CEP290: variants seen among roughly 807,000 people sequenced by gnomAD.
CEP290 encodes centrosomal protein of 290 kDa.
A neutral mutation model predicts 344.9 loss-of-function variants in CEP290; 317 were observed. The ratio of observed to expected loss-of-function variants is 0.92; its 90% CI spans 0.84 to 1.01. CEP290 has a LOEUF of 1.01. Ranked by LOEUF, CEP290 falls within the 50% of genes least tolerant of loss-of-function variation. CEP290 has a pLI of 0.00. For missense variants in CEP290, 2,754 were observed against 2,761.4 expected (o/e 1.00, Z 0.06); for synonymous variants, 932 against 895.8 (o/e 1.04, Z -0.72).
chr12:88,139,936 C>T (rs747297827), intron 3 of CEP290, among the ~76,000 whole-genome samples: 26 of 151,976 alleles, frequency 1.7e-4, no homozygotes, highest in Non-Finnish European at 3.2e-4. Context: ...CAAATTTTTT[C>T]GTACAGGCAA....
At position 88,093,825 on chromosome 12, in the gene CEP290, G is replaced by T. The variant is rs1325799398; in HGVS notation, c.3254C>A (p.Thr1085Asn). 1 of 1,612,444 alleles carries T rather than the reference G, an allele frequency of 6.2e-7. No individual in the cohort carries two copies. The highest frequency in any genetic ancestry group is 2.2e-5 in the East Asian group (1 of 44,842). Residue 1085 changes from threonine to asparagine, a missense_variant, in exon 28 of 54, where the codon ACT becomes AAT. Transcript: ENST00000552810. ...ACGTTCCTCCATTTGCTTTAACGAA[G>T]TCCGTAAGTGTTCATACATTTTTTG... ...HCQKMYEHLRTSLKQMEERNF... is the reference protein window; with the variant it reads ...HCQKMYEHLRNSLKQMEERNF...
At chr12:88,114,864 A>C (rs769265964) in intron 19 of CEP290, among the ~76,000 whole-genome samples, 1 of 152,164 alleles carries the variant, frequency 6.6e-6, no homozygotes, top group Non-Finnish European at 1.5e-5. Context: ...TGAAGAACAC[A>C]CAAGAAAAAG....
chr12:88,126,274 T>C (rs2039723390), intron 12 of CEP290, 42 bp downstream of exon 12: 3 of 1,411,984 alleles, frequency 2.1e-6, no homozygotes, highest in South Asian at 1.7e-5. Context: ...GTTCCAACTG[T>C]AATAAAACTG....
chr12:88,115,873 G>T (rs1245149247), intron 18 of CEP290: 1 of 983,028 alleles, frequency 1.0e-6, no homozygotes, highest in African/African-American at 1.7e-5. Context: ...GGGTCTGGAA[G>T]ATTAACCTTA....
rs748493455 is a variant in CEP290 at position 88,096,985 on chromosome 12, G to A, written c.3006C>T (p.Ser1002=). ...TTATAGACTCCACTTGTTCTTTTAA[G>A]GAGATGTTTTCACACTGAATAAAGG... ...NLEHLECENI[S]LKEQVESINK... is the part of the protein sequence containing the mutation. Residue 1002 remains serine (S), a synonymous_variant, in exon 27 of 54, where the codon TCC becomes TCT. Transcript: ENST00000552810. The A allele has an allele frequency of 1.9e-6, 3 of 1,545,006 alleles. No homozygotes were observed. Among genetic ancestry groups the A allele is most frequent in the South Asian group, 1.2e-5 (1 of 82,308 alleles).
chr12:88,077,253 T>A lies in CEP290; in HGVS notation c.5678A>T (p.Glu1893Val). ...KLENQLEGKV[E>V]EVDLKPMKEK... The stretch of plus-strand genomic sequence containing the variant: ...TTTCATAGGTTTTAGGTCTACTTCC[T>A]CCACCTTTCCCTCTAATTGGTTCTC... The change falls in exon 41 of 54, where the codon GAG (glutamate) becomes GTG (valine). Residue 1893 changes from glutamate to valine, a missense_variant. Physicochemically the swap from Glu to Val is moderately radical, Grantham distance 121 (BLOSUM62 -2). Transcript: ENST00000552810. 5.0e-6 allele frequency: 8 copies of A among 1,605,604 alleles called. No individual in the cohort carries two copies. The highest frequency in any genetic ancestry group is 6.8e-6 in the Non-Finnish European group (8 of 1,177,044).
In CEP290 at chr12:88,115,199, G is replaced by T. The variant is rs1271533024; in HGVS notation, c.1825-17C>A. 2 of 1,266,058 alleles carry T rather than the reference G, an allele frequency of 1.6e-6. No individual in the cohort carries two copies. The highest frequency in any genetic ancestry group is 2.2e-6 in the Non-Finnish European group (2 of 908,490). 78.4% of individuals were successfully genotyped at this position (1,266,058 alleles called of 1,614,324 possible). On this transcript the variant is annotated splice_polypyrimidine_tract_variant and intron_variant, in intron 18 of 53. Coordinates refer to ENST00000552810, the MANE Select transcript of CEP290 (RefSeq NM_025114.4). ...AAATTCATTCTGAAAAAAGCAGAGA[G>T]AATAAAATTGATTTTTTTCAACAAA... is the stretch of plus-strand genomic sequence containing the variant.
At chr12:88,109,804 A>G (rs1263515855) in intron 22 of CEP290, among the ~76,000 whole-genome samples, 3 of 152,176 alleles carry the variant, frequency 2.0e-5, no homozygotes, top group African/African-American at 7.2e-5. Context: ...CTAATCTACT[A>G]CAAACTTCTG....
In CEP290 at chr12:88,096,200, C is replaced by T. The variant is rs2037417592; in HGVS notation, c.3103+688G>A. Among the ~76,000 whole-genome samples, 3 of 152,224 alleles carry T rather than the reference C, an allele frequency of 2.0e-5. No homozygotes were observed. The South Asian group carries it at 6.2e-4, about 32-fold the overall frequency. On this transcript the variant is annotated intron_variant, in intron 27 of 53. Coordinates refer to ENST00000552810, the MANE Select transcript of CEP290 (RefSeq NM_025114.4). ...AGTAGATGGAATTACAGGCAACTGC[C>T]ACCACGCCTGGCTAATTTTTGTACT... is the stretch of plus-strand genomic sequence containing the variant.
rs376831402 is a variant in CEP290 at position 88,106,893 on chromosome 12, C to G, written c.2599G>C (p.Ala867Pro). Residue 867 changes from alanine (A) to proline (P), a missense_variant, in exon 25 of 54, where the codon GCT becomes CCT. Physicochemically the swap from Ala to Pro is conservative, Grantham distance 27. Coordinates refer to ENST00000552810, the MANE Select transcript of CEP290 (RefSeq NM_025114.4). ...KVKEYNNLLN[A>P]LQMDSDEMKK... ...ATTTCATCCGAATCCATCTGAAGAG[C>G]ATTGAGCAAATTCTGCACAAAGACA... 1.9e-6 allele frequency: 3 copies of G among 1,604,184 alleles called. No homozygotes were observed. The African/African-American group carries it at 4.0e-5, about 21-fold the overall frequency.
chr12:88,061,333 T>G (rs1300524915), intron 46 of CEP290, among the ~76,000 whole-genome samples: 1 of 152,158 alleles, frequency 6.6e-6, no homozygotes, highest in Non-Finnish European at 1.5e-5. Context: ...TTTCTTTATA[T>G]GAAATAAAAC....
At chr12:88,116,544 AGTAAATAAT>A (rs1293928834) in intron 18 of CEP290, among the ~76,000 whole-genome samples, 1 of 152,230 alleles carries the variant, frequency 6.6e-6, no homozygotes, top group Admixed American at 6.5e-5. Context: ...CTGTATTCAG[AGTAAATAAT>A]GTCTCATTAA....
rs2138266557 is a variant in CEP290 at position 88,139,535 on chromosome 12, C to A, written c.210G>T (p.Leu70Phe). The A allele has an allele frequency of 6.3e-7, 1 of 1,591,830 alleles. No homozygotes were observed. The highest frequency in any genetic ancestry group is 8.5e-7 in the Non-Finnish European group (1 of 1,169,868). Residue 70 changes from leucine (L) to phenylalanine (F), a missense_variant, in exon 4 of 54, where the codon TTG becomes TTT. By Grantham distance (22) the Leu-to-Phe change is conservative. Coordinates refer to ENST00000552810, the MANE Select transcript of CEP290 (RefSeq NM_025114.4). ...CTTCTCCAGCTTTTTCTACTTCTTC[C>A]AAAGCCAGCTCCACTTCTTGAGCTT... ...KMKAQEVELA[L>F]EEVEKAGEEQ...
chr12:88,050,249 G>T (rs1242195781), intron 53 of CEP290, 105 bp downstream of exon 53: 6 of 630,178 alleles, frequency 9.5e-6, no homozygotes, highest in Admixed American at 9.4e-5. Context: ...TCAAATATAA[G>T]ATGTTATTAC....
At chr12:88,073,557 T>A (rs961548006) in intron 41 of CEP290, among the ~76,000 whole-genome samples, 1 of 152,226 alleles carries the variant, frequency 6.6e-6, no homozygotes, top group Admixed American at 6.5e-5. Context: ...GCATTTCAAT[T>A]ATAATAGTAA....
intron 46 of CEP290, among the ~76,000 whole-genome samples, chr12:88,061,664 C>T (rs946163404): frequency 3.9e-5 from 6 of 152,084 alleles, no homozygotes; most frequent in African/African-American, 1.4e-4. Flanking sequence ...ACTTTTACAT[C>T]ATTTTAGTAT....
intron 31 of CEP290, 37 bp downstream of exon 31, chr12:88,088,995 T>C: frequency 7.1e-7 from 1 of 1,412,240 alleles, no homozygotes; most frequent in Non-Finnish European, 9.5e-7. Context: ...ATCAAGATAC[T>C]GTCTCTTAAA....
At chr12:88,055,756 A>AATTT in intron 49 of CEP290, 39 bp from the exon 50 acceptor site, 1 of 1,313,712 alleles carries the variant, frequency 7.6e-7, no homozygotes, top group East Asian at 2.6e-5. Flanking sequence ...CATGGCAAAT[A>AATTT]ATTTATGTCA....
rs368765808 is a variant in CEP290 at position 88,059,398 on chromosome 12, G to A, written c.6646-378C>T. Among the ~76,000 whole-genome samples, 37 of 151,972 alleles carry A rather than the reference G, an allele frequency of 2.4e-4. No individual in the cohort carries two copies. The East Asian group carries it at 6.0e-3, about 25-fold the overall frequency. On this transcript the variant is annotated intron_variant, in intron 48 of 53. Coordinates refer to ENST00000552810, the MANE Select transcript of CEP290 (RefSeq NM_025114.4). ...TAAGCATAAGGTATGTGTAAGCAAC[G>A]TAGATCATTTCTTTTTTTTGTTTGT...
Sources: allele counts gnomAD v4.1 joint callset (sites outside exome capture counted in the v4.1 genomes callset), GRCh38; gene constraint gnomAD v4.1.1; transcripts MANE v1.5; gene names NCBI Gene and HGNC (gene_info 2026-07-23, HGNC 2026-07-21).